Variants in CTNNA2 observed in about 807,000 individuals in gnomAD.
CTNNA2 encodes catenin alpha-2.
A neutral mutation model predicts 101.0 loss-of-function variants in CTNNA2; 42 were observed. That is an observed-to-expected ratio of 0.42 (90% CI 0.32 to 0.54). The LOEUF (loss-of-function observed/expected upper bound fraction) is 0.54, where lower values mean the gene tolerates loss of function less well. Among genes scored for constraint, CTNNA2 ranks in the 20% least tolerant of loss-of-function variants. The pLI is 0.14. For synonymous variants in CTNNA2, 450 were observed against 456.4 expected (o/e 0.99, Z 0.18); for missense variants, 871 against 1,223.1 (o/e 0.71, Z 4.29).
rs1324785860 is a variant in CTNNA2, at chr2:79,375,594, T to C, written c.-135+1581T>C. 3.3e-5 allele frequency among the ~76,000 whole-genome samples: 5 copies of C among 152,174 alleles called. No individual in the cohort carries two copies. In the East Asian group the frequency reaches 9.7e-4, roughly 29 times the overall value. ...GACCTTCAAAAATGTTATAGACTAATGAAGAAAATAGGCCTGTTAAAAATA... is the reference window on the plus strand; with the variant it reads ...GACCTTCAAAAATGTTATAGACTAACGAAGAAAATAGGCCTGTTAAAAATA... On this transcript the variant is annotated intron_variant, in intron 4 of 21. Coordinates refer to the CTNNA2 transcript ENST00000466387.
At chr2:79,556,918 A>G (rs1219542035) in intron 1 of CTNNA2, among the ~76,000 whole-genome samples, 1 of 151,888 alleles carries the variant, frequency 6.6e-6, no homozygotes, top group Non-Finnish European at 1.5e-5. Flanking sequence ...CACTTAATTT[A>G]CCCATCTTTT....
intron 4 of CTNNA2, among the ~76,000 whole-genome samples, chr2:79,377,805 A>T (rs1197856192): frequency 1.3e-5 from 2 of 152,128 alleles, no homozygotes; most frequent in East Asian, 3.9e-4. Context: ...TATAGCAAGT[A>T]TCATACTGCA....
intron 9 of CTNNA2, among the ~76,000 whole-genome samples, chr2:80,508,419 A>G (rs1043320825): frequency 6.6e-6 from 1 of 152,176 alleles, no homozygotes; most frequent in Non-Finnish European, 1.5e-5. Flanking sequence ...CAGGAGGTAG[A>G]GGTTTCAGTT....
At chr2:80,424,958 C>G (rs1231905455) in intron 9 of CTNNA2, among the ~76,000 whole-genome samples, 2 of 152,164 alleles carry the variant, frequency 1.3e-5, no homozygotes, top group African/African-American at 4.8e-5. Flanking sequence ...GTGCTCAGCT[C>G]CATTTTCTGC....
chr2:79,968,179 T>C (rs904312282), intron 7 of CTNNA2, among the ~76,000 whole-genome samples: 5 of 151,002 alleles, frequency 3.3e-5, no homozygotes, highest in Admixed American at 6.6e-5. Flanking sequence ...TTGTTTACTT[T>C]AAATTGATGA....
At chr2:79,767,278 C>G (rs1673233929) in intron 3 of CTNNA2, among the ~76,000 whole-genome samples, 2 of 151,950 alleles carry the variant, frequency 1.3e-5, no homozygotes, top group Non-Finnish European at 2.9e-5. Flanking sequence ...CTTTGCATTT[C>G]CTCAACACAG....
chr2:80,565,470 C>A (rs1017610321), intron 12 of CTNNA2, among the ~76,000 whole-genome samples: 6 of 151,436 alleles, frequency 4.0e-5, no homozygotes, highest in Non-Finnish European at 8.8e-5. Flanking sequence ...ACCAACTTCC[C>A]GGTTTTCAGA....
chr2:79,206,027 C>T (rs1426940267), intron 2 of CTNNA2, among the ~76,000 whole-genome samples: 2 of 152,092 alleles, frequency 1.3e-5, no homozygotes. Flanking sequence ...TTTTAAATCC[C>T]CTTTTTAAAA....
intron 4 of CTNNA2, among the ~76,000 whole-genome samples, chr2:79,455,001 C>T (rs1670800155): frequency 6.6e-6 from 1 of 152,000 alleles, no homozygotes; most frequent in Non-Finnish European, 1.5e-5. Flanking sequence ...TAACACAGTG[C>T]CTCAATGGTA....
intron 18 of CTNNA2, among the ~76,000 whole-genome samples, chr2:80,638,380 A>G (rs999743951): frequency 6.6e-6 from 1 of 152,048 alleles, no homozygotes; most frequent in Non-Finnish European, 1.5e-5. Flanking sequence ...ATTCCTCATG[A>G]TTTTTTTGTT....
In CTNNA2 at chr2:80,071,975, A is replaced by G. The variant is rs75180599; in HGVS notation, c.1056+162178A>G. ...CTAAGACTCAGATTAAGAGGAGAAAATGTTCCAAATGCTTTGGCAAGGGGA... is the reference window on the plus strand; with the variant it reads ...CTAAGACTCAGATTAAGAGGAGAAAGTGTTCCAAATGCTTTGGCAAGGGGA... On this transcript the variant is annotated intron_variant, in intron 7 of 18. Transcript: ENST00000402739. Among the ~76,000 whole-genome samples, 372 of 152,320 alleles carry G rather than the reference A, an allele frequency of 2.4e-3. 1 individual carries two copies. Among genetic ancestry groups the G allele is most frequent in the African/African-American group, 8.6e-3 (356 of 41,576 alleles).
At chr2:79,544,497 T>C (rs887756023) in intron 1 of CTNNA2, among the ~76,000 whole-genome samples, 1 of 152,168 alleles carries the variant, frequency 6.6e-6, no homozygotes, top group African/African-American at 2.4e-5. Context: ...CTAGTCTAGG[T>C]GCCACTTCAG....
intron 3 of CTNNA2, among the ~76,000 whole-genome samples, chr2:79,335,725 A>T (rs758913513): frequency 1.3e-5 from 2 of 152,252 alleles, no homozygotes; most frequent in Non-Finnish European, 2.9e-5. Context: ...TTGGGCAAAG[A>T]TGTCTATGAA....
At chr2:80,537,976 A>G (rs1691190795) in intron 9 of CTNNA2, among the ~76,000 whole-genome samples, 1 of 152,182 alleles carries the variant, frequency 6.6e-6, no homozygotes, top group Non-Finnish European at 1.5e-5. Context: ...TTCTCTAATG[A>G]CCAGTGATGA....
rs144281458 is a variant in CTNNA2 at position 80,437,730 on chromosome 2, G to C, written c.1290+18129G>C. 1.8e-3 allele frequency among the ~76,000 whole-genome samples: 278 copies of C among 152,358 alleles called. 2 individuals are homozygous for C. The highest frequency in any genetic ancestry group is 6.4e-3 in the African/African-American group (266 of 41,588). On this transcript the variant is annotated intron_variant, in intron 9 of 18. Transcript: ENST00000402739. Reference sequence around the variant, plus strand: ...ATACCACACACTGACCGGGTGCAGTGGCTTTCGCCTGTAATCCCGGCACTT... The same window carrying C: ...ATACCACACACTGACCGGGTGCAGTCGCTTTCGCCTGTAATCCCGGCACTT...
chr2:80,027,412 AGGTCTAC>A (rs1461919441), intron 7 of CTNNA2, among the ~76,000 whole-genome samples: 11 of 152,242 alleles, frequency 7.2e-5, no homozygotes, highest in Non-Finnish European at 4.4e-5. Context: ...GTGGTTAGAC[AGGTCTAC>A]GAAAATGTCA....
intron 3 of CTNNA2, among the ~76,000 whole-genome samples, chr2:79,359,643 G>T (rs971305298): frequency 3.9e-5 from 6 of 152,202 alleles, no homozygotes; most frequent in African/African-American, 1.4e-4. Context: ...AGGAGCAGCT[G>T]CGTAGAGCTA....
chr2:79,902,534 A>C (rs1036916502), intron 6 of CTNNA2, among the ~76,000 whole-genome samples: 9 of 151,884 alleles, frequency 5.9e-5, no homozygotes, highest in Admixed American at 5.9e-4. Flanking sequence ...CTTCCACCAG[A>C]CTTCTCCAGT....
chr2:79,566,523 A>G (rs1675125013), intron 1 of CTNNA2, among the ~76,000 whole-genome samples: 1 of 152,108 alleles, frequency 6.6e-6, no homozygotes, highest in Non-Finnish European at 1.5e-5. Context: ...TTGAAATTGT[A>G]TATTGATATG....
Sources: gnomAD v4.1 joint callset for allele counts (sites outside exome capture counted in the v4.1 genomes callset) on GRCh38, gnomAD v4.1.1 for gene constraint, MANE v1.5 for transcripts, NCBI Gene and HGNC (gene_info 2026-07-23, HGNC 2026-07-21) for gene names.